Variants in MFHAS1 observed in about 807,000 individuals in gnomAD.
MFHAS1 encodes malignant fibrous histiocytoma-amplified sequence 1.
In MFHAS1, 50 loss-of-function variants were observed where a neutral mutation model predicts 70.4. The ratio of observed to expected loss-of-function variants is 0.71; its 90% CI spans 0.57 to 0.90. The LOEUF (loss-of-function observed/expected upper bound fraction) is 0.90, where lower values mean the gene tolerates loss of function less well. Among genes scored for constraint, MFHAS1 ranks in the 40% least tolerant of loss-of-function variants. MFHAS1 has a pLI of 0.00. For missense variants in MFHAS1, 1,795 were observed against 1,347.6 expected, an observed-to-expected ratio of 1.33 and a Z score of -5.20; for synonymous variants, 952 against 620.0, an observed-to-expected ratio of 1.54 and a Z score of -7.96.
intron 1 of MFHAS1, among the ~76,000 whole-genome samples, chr8:8,823,760 C>T (rs922687638): frequency 6.8e-6 from 1 of 147,948 alleles, no homozygotes; most frequent in African/African-American, 2.5e-5. Flanking sequence ...AATTTCAAGA[C>T]CCACGGTGGC....
intron 1 of MFHAS1, among the ~76,000 whole-genome samples, chr8:8,804,160 T>A (rs1356260921): frequency 6.6e-6 from 1 of 152,118 alleles, no homozygotes; most frequent in African/African-American, 2.4e-5. Flanking sequence ...CACTTGATAA[T>A]TGAATATATC....
intron 1 of MFHAS1, among the ~76,000 whole-genome samples, chr8:8,816,501 T>A (rs1806751157): frequency 2.0e-5 from 3 of 152,228 alleles, no homozygotes; most frequent in African/African-American, 4.8e-5. Flanking sequence ...GGGAATCTCA[T>A]AGATCAAATG....
chr8:8,801,295 C>G (rs1438725215), intron 1 of MFHAS1, among the ~76,000 whole-genome samples: 2 of 152,178 alleles, frequency 1.3e-5, no homozygotes, highest in Non-Finnish European at 2.9e-5. Context: ...CCCAGACTGT[C>G]CACGTCACAC....
At chr8:8,875,893 T>A (rs760142900) in intron 1 of MFHAS1, among the ~76,000 whole-genome samples, 2 of 152,108 alleles carry the variant, frequency 1.3e-5, no homozygotes, top group Non-Finnish European at 2.9e-5. Context: ...GGCCTATAAG[T>A]TTTTATAAAG....
At chr8:8,809,412 A>C (rs984472315) in intron 1 of MFHAS1, among the ~76,000 whole-genome samples, 6 of 152,130 alleles carry the variant, frequency 3.9e-5, no homozygotes, top group African/African-American at 1.4e-4. Context: ...ATGGCCCGAC[A>C]TGTAAGTATG....
intron 1 of MFHAS1, among the ~76,000 whole-genome samples, chr8:8,807,781 G>A (rs1437957782): frequency 6.6e-6 from 1 of 152,218 alleles, no homozygotes; most frequent in African/African-American, 2.4e-5. Context: ...CGAGGTCAAT[G>A]TTGCAAAGGA....
rs777451206 is a variant in MFHAS1, at chr8:8,786,002, A to G, written c.*20T>C. ...TTCAGATGCTCTCTTTTCTCCATGGAAATTCCACAGCCACAAACGTCACTG... is the reference window on the plus strand; with the variant it reads ...TTCAGATGCTCTCTTTTCTCCATGGGAATTCCACAGCCACAAACGTCACTG... On this transcript the variant is annotated 3_prime_UTR_variant, in exon 3 of 3. Transcript: ENST00000276282. 2.2e-5 allele frequency: 35 copies of G among 1,613,840 alleles called. No individual in the cohort carries two copies. The highest frequency in any genetic ancestry group is 1.7e-4 in the Admixed American group (10 of 59,998).
chr8:8,875,006 G>A (rs1288814496), intron 1 of MFHAS1, among the ~76,000 whole-genome samples: 4 of 151,592 alleles, frequency 2.6e-5, no homozygotes, highest in Non-Finnish European at 4.4e-5. Flanking sequence ...ACAAGAAAAC[G>A]TTCACATCCA....
chr8:8,821,134 C>A (rs4840363), intron 1 of MFHAS1, among the ~76,000 whole-genome samples: 20,043 of 152,104 alleles, frequency 0.13, 1,799 homozygotes, highest in Middle Eastern at 0.21. Flanking sequence ...CCACTCCCTG[C>A]GAGTCCTTGG....
At chr8:8,866,449 G>T (rs934456184) in intron 1 of MFHAS1, among the ~76,000 whole-genome samples, 3 of 151,656 alleles carry the variant, frequency 2.0e-5, no homozygotes, top group African/African-American at 7.3e-5. Context: ...CTCCCCAACG[G>T]CTGCAACTAC....
At chr8:8,808,957 T>C (rs968180840) in intron 1 of MFHAS1, among the ~76,000 whole-genome samples, 6 of 152,192 alleles carry the variant, frequency 3.9e-5, no homozygotes, top group African/African-American at 1.4e-4. Context: ...AAGCTTCATC[T>C]GTTTACAGCC....
chr8:8,806,547 A>G (rs1806296458), intron 1 of MFHAS1, among the ~76,000 whole-genome samples: 1 of 152,250 alleles, frequency 6.6e-6, no homozygotes, highest in Non-Finnish European at 1.5e-5. Context: ...CTTTAAACTT[A>G]CTGTTCTCAG....
intron 1 of MFHAS1, among the ~76,000 whole-genome samples, chr8:8,804,089 G>A (rs1395283860): frequency 6.6e-6 from 1 of 152,188 alleles, no homozygotes; most frequent in Non-Finnish European, 1.5e-5. Context: ...ACCCATGGGG[G>A]TCCTGGAACC....
intron 1 of MFHAS1, among the ~76,000 whole-genome samples, chr8:8,841,172 G>A (rs1285629569): frequency 1.3e-5 from 2 of 152,170 alleles, no homozygotes; most frequent in Non-Finnish European, 1.5e-5. Flanking sequence ...ATGGCGGGCT[G>A]TACTTCAAGA....
intron 1 of MFHAS1, among the ~76,000 whole-genome samples, chr8:8,810,950 G>A (rs1335733091): frequency 6.6e-6 from 1 of 152,190 alleles, no homozygotes; most frequent in African/African-American, 2.4e-5. Context: ...AGTCCTGGGA[G>A]AGAGGAGAAA....
intron 2 of MFHAS1, among the ~76,000 whole-genome samples, chr8:8,790,596 C>A (rs562271574): frequency 2.2e-4 from 33 of 152,196 alleles, no homozygotes; most frequent in Non-Finnish European, 3.4e-4. Context: ...TGAAACACCC[C>A]ACAGGCAACC....
At chr8:8,838,376 T>A (rs149941932) in intron 1 of MFHAS1, among the ~76,000 whole-genome samples, 9 of 152,356 alleles carry the variant, frequency 5.9e-5, no homozygotes, top group African/African-American at 2.2e-4. Context: ...ATAGTTAAAA[T>A]GGTACATTTT....
chr8:8,786,804 G>C (rs62495534), intron 2 of MFHAS1, among the ~76,000 whole-genome samples: 1 of 151,408 alleles, frequency 6.6e-6, no homozygotes, highest in South Asian at 2.1e-4. Context: ...TCTCTCATTA[G>C]GAGAGACGCT....
At chr8:8,797,150 TAAAAA>T (rs11355520) in intron 2 of MFHAS1, among the ~76,000 whole-genome samples, 6 of 141,502 alleles carry the variant, frequency 4.2e-5, no homozygotes, top group Non-Finnish European at 7.7e-5. Context: ...TTAGCTAAAG[TAAAAA>T]AAAAAAAAAA....
Sources: gnomAD v4.1 joint callset for allele counts (sites outside exome capture counted in the v4.1 genomes callset) on GRCh38, gnomAD v4.1.1 for gene constraint, MANE v1.5 for transcripts, NCBI Gene and HGNC (gene_info 2026-07-23, HGNC 2026-07-21) for gene names.